The following VIT variants were observed in gnomAD, a reference collection of about 807,000 sequenced individuals.
The protein encoded by VIT is vitrin.
VIT carries 99 observed loss-of-function variants against 78.0 expected under a neutral mutation model. The ratio of observed to expected loss-of-function variants is 1.27; its 90% CI spans 1.08 to 1.50. VIT has a LOEUF of 1.50. Ranked by LOEUF, VIT falls within the 40% of genes most tolerant of loss-of-function variation. The pLI is 0.00. For missense variants in VIT, 1,126 were observed against 875.3 expected (o/e 1.29, Z -3.61); for synonymous variants, 374 against 334.3 (o/e 1.12, Z -1.29).
At chr2:36,735,192 A>G (rs1314426117) in intron 3 of VIT, among the ~76,000 whole-genome samples, 3 of 152,152 alleles carry the variant, frequency 2.0e-5, no homozygotes, top group African/African-American at 4.8e-5. Context: ...AAGAAAAAAG[A>G]AAATAATCTG....
At position 36,814,471 on chromosome 2, in the gene VIT, G is replaced by C. The variant is rs1171719793; in HGVS notation, c.*110G>C. The C allele has an allele frequency of 2.3e-6, 3 of 1,298,848 alleles. No individual in the cohort carries two copies. Among genetic ancestry groups the C allele is most frequent in the Non-Finnish European group, 3.1e-6 (3 of 958,860 alleles). The allele number at this position is 1,298,848 out of a possible 1,614,324, so 80.5% of individuals were successfully genotyped here. ...TGCATCAAGTCTTGGGCAGGGCATGGAGAAACAAATGTCTTGTTATTATTC... is the reference window on the plus strand; with the variant it reads ...TGCATCAAGTCTTGGGCAGGGCATGCAGAAACAAATGTCTTGTTATTATTC... On this transcript the variant is annotated 3_prime_UTR_variant, in exon 16 of 16. Coordinates refer to ENST00000379242, the MANE Select transcript of VIT (RefSeq NM_053276.4).
At chr2:36,719,600 T>C (rs1666369664) in intron 2 of VIT, among the ~76,000 whole-genome samples, 1 of 152,078 alleles carries the variant, frequency 6.6e-6, no homozygotes, top group African/African-American at 2.4e-5. Flanking sequence ...TACTTAGGAA[T>C]AAATTTAACC....
At chr2:36,707,372 C>G (rs1323249858) in intron 1 of VIT, among the ~76,000 whole-genome samples, 1 of 152,120 alleles carries the variant, frequency 6.6e-6, no homozygotes, top group African/African-American at 2.4e-5. Flanking sequence ...ACAACCTGCC[C>G]CCTTGTTCAT....
chr2:36,794,452 T>C (rs962256879), intron 12 of VIT, among the ~76,000 whole-genome samples: 13 of 152,174 alleles, frequency 8.5e-5, no homozygotes, highest in African/African-American at 3.1e-4. Flanking sequence ...GTCTGAAGAG[T>C]AACCAGGCTA....
At chr2:36,763,867 G>T (rs1669267432) in intron 6 of VIT, among the ~76,000 whole-genome samples, 1 of 152,118 alleles carries the variant, frequency 6.6e-6, no homozygotes, top group South Asian at 2.1e-4. Context: ...AGGATTACAG[G>T]CGTCTATCTT....
intron 3 of VIT, among the ~76,000 whole-genome samples, chr2:36,733,063 T>C (rs1408258691): frequency 6.6e-6 from 1 of 152,192 alleles, no homozygotes; most frequent in Non-Finnish European, 1.5e-5. Context: ...TTTACTGCCA[T>C]GTTCAGGGAA....
chr2:36,700,897 G>A (rs923798165), intron 1 of VIT, among the ~76,000 whole-genome samples: 11 of 151,982 alleles, frequency 7.2e-5, no homozygotes, highest in Non-Finnish European at 1.3e-4. Context: ...TGAAAAAAAC[G>A]AAGGCACTGA....
chr2:36,755,127 G>A, intron 5 of VIT, 73 bp downstream of exon 5: 1 of 1,467,658 alleles, frequency 6.8e-7, no homozygotes, highest in South Asian at 1.5e-5. Flanking sequence ...TTGTGCTGTT[G>A]GTTTTTGTTT....
chr2:36,722,773 T>A (rs1666593600), intron 2 of VIT, among the ~76,000 whole-genome samples: 1 of 152,188 alleles, frequency 6.6e-6, no homozygotes, highest in Non-Finnish European at 1.5e-5. Context: ...ATGTCTTTTC[T>A]TGAACATAAT....
chr2:36,810,632 ATT>A (rs35104207), intron 15 of VIT, among the ~76,000 whole-genome samples: 2 of 141,878 alleles, frequency 1.4e-5, no homozygotes, highest in Non-Finnish European at 1.5e-5. Flanking sequence ...CTGTGCCTAA[ATT>A]TTTTTTTTTT....
At chr2:36,798,604 AAC>A (rs1339822664) in intron 12 of VIT, among the ~76,000 whole-genome samples, 1 of 152,016 alleles carries the variant, frequency 6.6e-6, no homozygotes, top group Non-Finnish European at 1.5e-5. Flanking sequence ...AAAATACAAA[AAC>A]AAATAAGCCA....
chr2:36,722,372 T>C (rs1214569232), intron 2 of VIT, among the ~76,000 whole-genome samples: 1 of 152,202 alleles, frequency 6.6e-6, no homozygotes, highest in Non-Finnish European at 1.5e-5. Context: ...GTTTCCTTTC[T>C]ATAAAATAAA....
intron 7 of VIT, among the ~76,000 whole-genome samples, chr2:36,773,033 A>C (rs1669848750): frequency 6.6e-6 from 1 of 152,226 alleles, no homozygotes; most frequent in Non-Finnish European, 1.5e-5. Flanking sequence ...TCGCTCACAG[A>C]GTAATTAACG....
intron 9 of VIT, among the ~76,000 whole-genome samples, chr2:36,777,400 T>G (rs982916367): frequency 2.0e-5 from 3 of 151,932 alleles, no homozygotes; most frequent in African/African-American, 7.3e-5. Flanking sequence ...CTCCAATAGG[T>G]CTTTGCTGGA....
intron 1 of VIT, among the ~76,000 whole-genome samples, chr2:36,699,212 A>T (rs2148400245): frequency 6.6e-6 from 1 of 152,092 alleles, no homozygotes; most frequent in South Asian, 2.1e-4. Flanking sequence ...TGCACTGGAG[A>T]GGTTACTCAA....
At chr2:36,715,862 A>G (rs1245560577) in intron 1 of VIT, among the ~76,000 whole-genome samples, 1 of 152,232 alleles carries the variant, frequency 6.6e-6, no homozygotes, top group Non-Finnish European at 1.5e-5. Context: ...TTTTCCACCT[A>G]TATTAAACTG....
chr2:36,708,227 C>T lies in VIT; in HGVS notation c.-18-8126C>T, dbSNP rs72783123. ...GGCAGAGATGAAGAAAGCAAGGCTG[C>T]AGATGTGGCCTCTCCCCATTCAGAG... On this transcript the variant is annotated intron_variant, in intron 1 of 15. Transcript: ENST00000379242. Among the ~76,000 whole-genome samples, 819 of 152,080 alleles carry T rather than the reference C, an allele frequency of 5.4e-3. 4 individuals are homozygous for T. Among genetic ancestry groups the T allele is most frequent in the Middle Eastern group, 0.01 (3 of 294 alleles).
At chr2:36,768,387 G>A (rs1448301675) in intron 7 of VIT, among the ~76,000 whole-genome samples, 4 of 152,062 alleles carry the variant, frequency 2.6e-5, no homozygotes, top group East Asian at 3.8e-4. Context: ...AGCCGAGATC[G>A]CACCACTGCA....
At chr2:36,777,037 C>A (rs959830762) in intron 9 of VIT, among the ~76,000 whole-genome samples, 1 of 144,960 alleles carries the variant, frequency 6.9e-6, no homozygotes, top group Non-Finnish European at 1.5e-5. Context: ...TGCAGTGAGC[C>A]GAGATCACGC....
Sources: gnomAD v4.1 joint callset for allele counts (sites outside exome capture counted in the v4.1 genomes callset) on GRCh38, gnomAD v4.1.1 for gene constraint, MANE v1.5 for transcripts, NCBI Gene and HGNC (gene_info 2026-07-23, HGNC 2026-07-21) for gene names.